The following PRDM11 variants were observed in gnomAD, a reference collection of about 807,000 sequenced individuals.
The protein encoded by PRDM11 is PR/SET domain 11, also known as PR domain-containing protein 11.
Under a neutral mutation model 97.8 loss-of-function variants are expected in PRDM11, and 20 were observed. The ratio of observed to expected loss-of-function variants is 0.20; its 90% CI spans 0.14 to 0.30. The LOEUF is 0.30. Ranked by LOEUF, PRDM11 falls within the 10% of genes least tolerant of loss-of-function variation. The pLI, the probability that PRDM11 is intolerant of heterozygous loss-of-function variation, is 1.00. For missense variants in PRDM11, 1,139 were observed against 1,555.2 expected, an observed-to-expected ratio of 0.73 and a Z score of 4.50; for synonymous variants, 599 against 637.7, an observed-to-expected ratio of 0.94 and a Z score of 0.91.
Position 45,231,662 on chromosome 11 carries a change from G to C in PRDM11, c.*3503G>C, listed in dbSNP as rs1854401696. 1 of 151,624 alleles carries C rather than the reference G, an allele frequency of 6.6e-6. No homozygotes were observed. Among genetic ancestry groups the C allele is most frequent in the Non-Finnish European group, 1.5e-5 (1 of 67,976 alleles). The allele number at this position is 151,624 out of a possible 1,614,324, so 9.4% of individuals were successfully genotyped here. A position where few individuals can be genotyped will look rare whatever the true frequency, so the allele number is the denominator to read the frequency against. On this transcript the variant is annotated 3_prime_UTR_variant, in exon 8 of 8. Transcript: ENST00000683152. ...GATACCTGGCAGAGCCTGGGAGCCA[G>C]AGCCCTTATGATTAATATGATCTGC...
intron 1 of PRDM11, 27 bp from the exon 2 acceptor site, chr11:45,181,734 G>C: frequency 6.3e-7 from 1 of 1,591,632 alleles, no homozygotes; most frequent in Non-Finnish European, 8.6e-7. Flanking sequence ...TCCTCTTCCT[G>C]TGCTGGTCCC....
intron 6 of PRDM11, among the ~76,000 whole-genome samples, chr11:45,223,524 G>T (rs1854176452): frequency 6.6e-6 from 1 of 152,126 alleles, no homozygotes; most frequent in Admixed American, 6.6e-5. Context: ...CCTTTATCTT[G>T]TCGGAGGCTG....
intron 1 of PRDM11, among the ~76,000 whole-genome samples, chr11:45,110,729 G>A (rs1289452815): frequency 6.6e-6 from 1 of 152,208 alleles, no homozygotes; most frequent in Non-Finnish European, 1.5e-5. Flanking sequence ...CCAGGTGCGG[G>A]GTGCAAGGAG....
At chr11:45,107,483 G>A (rs574231754) in intron 1 of PRDM11, among the ~76,000 whole-genome samples, 12 of 152,310 alleles carry the variant, frequency 7.9e-5, no homozygotes, top group African/African-American at 2.9e-4. Flanking sequence ...CAGTTGTGAA[G>A]AGTAAGTCTA....
At chr11:45,174,517 G>T (rs1478393890) in intron 1 of PRDM11, among the ~76,000 whole-genome samples, 2 of 152,252 alleles carry the variant, frequency 1.3e-5, no homozygotes, top group Middle Eastern at 6.8e-3. Flanking sequence ...AGATATGGGG[G>T]TCCTTACCGA....
intron 1 of PRDM11, among the ~76,000 whole-genome samples, chr11:45,100,935 A>G (rs188681566): frequency 1.3e-5 from 2 of 152,380 alleles, no homozygotes; most frequent in East Asian, 3.9e-4. Context: ...AATAAGTAGC[A>G]GAGATGGAAT....
intron 1 of PRDM11, among the ~76,000 whole-genome samples, chr11:45,167,101 GA>G (rs1476625882): frequency 6.6e-6 from 1 of 152,180 alleles, no homozygotes; most frequent in African/African-American, 2.4e-5. Flanking sequence ...CAGGGTTATA[GA>G]GAGGATTAAG....
chr11:45,155,208 C>T (rs1851762765), intron 1 of PRDM11, among the ~76,000 whole-genome samples: 1 of 152,210 alleles, frequency 6.6e-6, no homozygotes, highest in African/African-American at 2.4e-5. Context: ...AGTGGCTTCT[C>T]CCACTATCTC....
chr11:45,155,015 G>A (rs995354111), intron 1 of PRDM11, among the ~76,000 whole-genome samples: 1 of 152,212 alleles, frequency 6.6e-6, no homozygotes, highest in African/African-American at 2.4e-5. Flanking sequence ...GCTGGAAGGA[G>A]CTTGGGGTAG....
chr11:45,206,902 C>T (rs374018204), intron 5 of PRDM11, among the ~76,000 whole-genome samples: 2 of 152,210 alleles, frequency 1.3e-5, no homozygotes, highest in Non-Finnish European at 1.5e-5. Context: ...CGGTGTTCTT[C>T]CTGCTTGTGC....
In PRDM11 at chr11:45,146,794, C is replaced by G. The variant is rs1434179714; in HGVS notation, c.-90C>G. ...CGCTCCCTCCGCGGGGGCCGCCAGC[C>G]GAGGCCGCGCCGCCTCCGCCGAGCC... is the stretch of plus-strand genomic sequence containing the variant. On this transcript the variant is annotated 5_prime_UTR_variant, in exon 1 of 8. Coordinates refer to ENST00000683152, the MANE Select transcript of PRDM11 (RefSeq NM_001384648.1). 3.5e-5 allele frequency: 5 copies of G among 144,604 alleles called. No individual in the cohort carries two copies. The allele number at this position is 144,604 out of a possible 1,614,324, so 9.0% of individuals were successfully genotyped here. A position where few individuals can be genotyped will look rare whatever the true frequency, so the allele number is the denominator to read the frequency against.
intron 1 of PRDM11, among the ~76,000 whole-genome samples, chr11:45,179,684 C>G (rs1393911724): frequency 6.6e-6 from 1 of 152,168 alleles, no homozygotes; most frequent in Non-Finnish European, 1.5e-5. Context: ...ACCCTTATGA[C>G]CTCAATTAAT....
upstream of PRDM11, among the ~76,000 whole-genome samples, chr11:45,146,421 A>G (rs111917794): frequency 6.6e-6 from 1 of 151,510 alleles, no homozygotes; most frequent in Non-Finnish European, 1.5e-5. Flanking sequence ...TTTTTCATCT[A>G]TTTTTTTCTC....
In PRDM11 at chr11:45,181,841, G is replaced by A. The variant is rs1036558614; in HGVS notation, c.75G>A (p.Thr25=). Residue 25 remains threonine, a synonymous_variant, in exon 2 of 8, where the codon ACG becomes ACA. Transcript: ENST00000683152. ...AVGDMVTVVK[T]EVCSPLRDQE... ...GGGATATGGTGACGGTGGTGAAGAC[G>A]GAGGTCTGCTCACCACTCCGAGACC... is the stretch of plus-strand genomic sequence containing the variant. The A allele has an allele frequency of 3.7e-6, 6 of 1,613,480 alleles. No individual in the cohort carries two copies. Among genetic ancestry groups the A allele is most frequent in the Middle Eastern group, 1.7e-4 (1 of 6,056 alleles).
chr11:45,165,823 A>G (rs1852049600), intron 1 of PRDM11, among the ~76,000 whole-genome samples: 1 of 152,192 alleles, frequency 6.6e-6, no homozygotes, highest in African/African-American at 2.4e-5. Context: ...CCTGTCTAGG[A>G]GGGAGCAGGC....
intron 4 of PRDM11, among the ~76,000 whole-genome samples, chr11:45,197,131 T>C (rs1853151807): frequency 6.6e-6 from 1 of 152,194 alleles, no homozygotes. Context: ...TTTGTCAACA[T>C]GCCTCATTAA....
intron 5 of PRDM11, chr11:45,213,601 A>G: frequency 2.2e-6 from 1 of 456,050 alleles, no homozygotes; most frequent in South Asian, 1.5e-5. Context: ...GAGTGGGGAG[A>G]AGAATGGGAT....
intron 1 of PRDM11, among the ~76,000 whole-genome samples, chr11:45,117,824 G>C (rs1049171830): frequency 6.6e-6 from 1 of 152,152 alleles, no homozygotes; most frequent in Non-Finnish European, 1.5e-5. Flanking sequence ...TAGTGACTTC[G>C]TTCCGACGAG....
intron 6 of PRDM11, 150 bp from the exon 7 acceptor site, chr11:45,224,067 T>G (rs1461167825): frequency 1.8e-5 from 16 of 887,574 alleles, no homozygotes; most frequent in East Asian, 9.8e-5. Context: ...CACTGAGTGA[T>G]TCGTATCTCC....
Sources: allele counts gnomAD v4.1 joint callset (sites outside exome capture counted in the v4.1 genomes callset), GRCh38; gene constraint gnomAD v4.1.1; transcripts MANE v1.5; gene names NCBI Gene and HGNC (gene_info 2026-07-23, HGNC 2026-07-21).